ATXN3: variants seen among roughly 807,000 people sequenced by gnomAD.
ATXN3 encodes the protein ataxin 3.
In ATXN3, 28 loss-of-function variants were observed where a neutral mutation model predicts 58.2. That is an observed-to-expected ratio of 0.48 (90% CI 0.36 to 0.66). ATXN3 has a LOEUF of 0.66. ATXN3 is among the 30% of genes least tolerant of loss of function. The pLI, the probability that ATXN3 is intolerant of heterozygous loss-of-function variation, is 0.00. For missense variants in ATXN3, 321 were observed against 422.1 expected (o/e 0.76, Z 2.10); for synonymous variants, 113 against 138.5 (o/e 0.82, Z 1.29).
rs76421660 is a variant in ATXN3 at position 92,066,077 on chromosome 14, C to T, written c.992-1663G>A. Among the ~76,000 whole-genome samples the T allele has an allele frequency of 8.8e-3, 1,255 of 142,636 alleles. 9 individuals are homozygous for T. Among genetic ancestry groups the T allele is most frequent in the Non-Finnish European group, 0.012 (805 of 65,856 alleles). 93.6% of individuals were successfully genotyped at this position (142,636 alleles called of 152,430 possible). ...CTAAGTGCTAGTATTACAGCACTTA[C>T]GGAGTGTAATACTAAAAAAAAAATA... On this transcript the variant is annotated intron_variant, in intron 10 of 10. Transcript: ENST00000644486.
At chr14:92,081,280 T>C (rs2061410339) in intron 8 of ATXN3, among the ~76,000 whole-genome samples, 1 of 152,114 alleles carries the variant, frequency 6.6e-6, no homozygotes, top group Non-Finnish European at 1.5e-5. Context: ...AAGACCAGCC[T>C]GGCCAAAAGG....
At chr14:92,074,807 A>G (rs1206076319) in intron 9 of ATXN3, among the ~76,000 whole-genome samples, 1 of 152,212 alleles carries the variant, frequency 6.6e-6, no homozygotes, top group Non-Finnish European at 1.5e-5. Flanking sequence ...ATAGCAATCC[A>G]TGTCCATGAA....
chr14:92,048,497 G>A (rs1172040145), intron 1 of ATXN3, among the ~76,000 whole-genome samples: 1 of 152,204 alleles, frequency 6.6e-6, no homozygotes, highest in African/African-American at 2.4e-5. Context: ...GCGGTAAAGT[G>A]TCCAAGGGTT....
chr14:92,082,563 A>T, intron 7 of ATXN3, 97 bp from the exon 8 acceptor site: 1 of 1,165,440 alleles, frequency 8.6e-7, no homozygotes, highest in Non-Finnish European at 1.2e-6. Flanking sequence ...GTAAGTCAAA[A>T]CTTAAAATGT....
At chr14:92,088,312 C>G (rs56033639) in intron 6 of ATXN3, among the ~76,000 whole-genome samples, 1 of 152,080 alleles carries the variant, frequency 6.6e-6, no homozygotes, top group Non-Finnish European at 1.5e-5. Context: ...CATCGTGATC[C>G]GCCTGCCTCA....
intron 2 of ATXN3, among the ~76,000 whole-genome samples, chr14:92,045,314 T>C (rs930195012): frequency 1.3e-5 from 2 of 152,198 alleles, no homozygotes; most frequent in South Asian, 2.1e-4. Context: ...GCTTGGGTGA[T>C]TTGACTAGTA....
At chr14:92,103,591 C>A (rs1316640987) in intron 1 of ATXN3, among the ~76,000 whole-genome samples, 1 of 152,152 alleles carries the variant, frequency 6.6e-6, no homozygotes, top group East Asian at 1.9e-4. Flanking sequence ...ACACGCCCAG[C>A]TAATTTTGTT....
downstream of ATXN3, among the ~76,000 whole-genome samples, chr14:92,055,553 T>C (rs2057462237): frequency 6.6e-6 from 1 of 152,206 alleles, no homozygotes; most frequent in Non-Finnish European, 1.5e-5. The surrounding 1 kb of genome is among the most constrained non-coding windows in gnomAD (Gnocchi z 4.5). Flanking sequence ...CATTCTACTT[T>C]CTGTCTCTAT....
chr14:92,096,224 T>C (rs12147767), intron 2 of ATXN3, 87 bp from the exon 3 acceptor site: 421,705 of 1,609,152 alleles, frequency 0.26, 58,205 homozygotes, highest in East Asian at 0.51. Flanking sequence ...TTTAAAACAA[T>C]ATCTTGTGCA....
chr14:92,102,688 A>G (rs1021657713), intron 1 of ATXN3, among the ~76,000 whole-genome samples: 5 of 152,226 alleles, frequency 3.3e-5, no homozygotes, highest in African/African-American at 1.2e-4. Flanking sequence ...ACTATCTGCC[A>G]GGGAGCCTTC....
intron 9 of ATXN3, chr14:92,079,571 G>T: frequency 3.4e-6 from 1 of 296,568 alleles, no homozygotes; most frequent in Non-Finnish European, 5.0e-6. Context: ...TGTCAATTAT[G>T]ACTGTAAGAT....
intron 10 of ATXN3, among the ~76,000 whole-genome samples, chr14:92,066,649 C>T (rs2058494385): frequency 6.7e-6 from 1 of 148,660 alleles, no homozygotes; most frequent in Admixed American, 6.7e-5. Context: ...GCTCTGTCAC[C>T]CAGGCTGGAG....
intron 5 of ATXN3, 116 bp from the exon 6 acceptor site, chr14:92,088,933 A>T: frequency 1.5e-6 from 1 of 649,232 alleles, no homozygotes; most frequent in Non-Finnish European, 2.7e-6. Flanking sequence ...AAACTCTGGA[A>T]ATATTTCAAG....
At chr14:92,103,833 T>C (rs770144688) in intron 1 of ATXN3, among the ~76,000 whole-genome samples, 1 of 152,228 alleles carries the variant, frequency 6.6e-6, no homozygotes, top group Non-Finnish European at 1.5e-5. Flanking sequence ...CCTACACAGC[T>C]TCTTTAGGGC....
At position 92,071,824 on chromosome 14, in the gene ATXN3, T is replaced by C. The variant is rs56268847; in HGVS notation, c.873-771A>G. On this transcript the variant is annotated intron_variant, in intron 9 of 10. Transcript: ENST00000644486. ...AGCTTAAAATTTATCTCCCCAGAGA[T>C]GCCTTTCCTGACCATCCCACCAAAA... Among the ~76,000 whole-genome samples, 394 of 152,338 alleles carry C rather than the reference T, an allele frequency of 2.6e-3. 5 individuals carry two copies. In the East Asian group the frequency reaches 0.051, roughly 20 times the overall value.
At chr14:92,046,665 C>T (rs2057429431) in intron 2 of ATXN3, among the ~76,000 whole-genome samples, 1 of 152,096 alleles carries the variant, frequency 6.6e-6, no homozygotes, top group African/African-American at 2.4e-5. Flanking sequence ...TTTATGAGGT[C>T]AGCTAGGTTT....
chr14:92,093,967 A>G (rs2402108), intron 3 of ATXN3, 136 bp from the exon 4 acceptor site: 408,031 of 524,588 alleles, frequency 0.78, 160,571 homozygotes, highest in African/African-American at 0.87. Context: ...TTTTTGTGAC[A>G]GAGTCTTGCT....
intron 9 of ATXN3, among the ~76,000 whole-genome samples, chr14:92,073,829 A>C (rs1346961793): frequency 4.7e-5 from 7 of 150,266 alleles, no homozygotes; most frequent in Non-Finnish European, 7.4e-5. Flanking sequence ...ACAGAGTGAG[A>C]CTCTGTCTCA....
chr14:92,066,623 T>C (rs2058480218), intron 10 of ATXN3, among the ~76,000 whole-genome samples: 2 of 117,358 alleles, frequency 1.7e-5, no homozygotes, highest in African/African-American at 7.0e-5. Flanking sequence ...TTTTTTTTTT[T>C]TTGAGACAAG....
Sources: allele counts gnomAD v4.1 joint callset (sites outside exome capture counted in the v4.1 genomes callset), GRCh38; gene constraint gnomAD v4.1.1; non-coding constraint Gnocchi (gnomAD v3.1); transcripts MANE v1.5; gene names NCBI Gene and HGNC (gene_info 2026-07-23, HGNC 2026-07-21).